The following STK10 variants were observed in gnomAD, a reference collection of about 807,000 sequenced individuals.
STK10 encodes the protein serine/threonine kinase 10.
STK10 carries 78 observed loss-of-function variants against 113.8 expected under a neutral mutation model. The ratio of observed to expected loss-of-function variants is 0.69; its 90% confidence interval spans 0.57 to 0.83. STK10 has a LOEUF of 0.83. Among genes scored for constraint, STK10 ranks in the 40% least tolerant of loss-of-function variants. The pLI, the probability that STK10 is intolerant of heterozygous loss-of-function variation, is 0.00. For synonymous variants in STK10, 465 were observed against 494.7 expected, an observed-to-expected ratio of 0.94 and a Z score of 0.80; for missense variants, 1,109 against 1,280.1, an observed-to-expected ratio of 0.87 and a Z score of 2.04.
At chr5:172,106,419 G>GAAAAAAAA (rs1769110876) in intron 6 of STK10, among the ~76,000 whole-genome samples, 1 of 102,106 alleles carries the variant, frequency 9.8e-6, no homozygotes, top group Non-Finnish European at 1.9e-5. Flanking sequence ...AAAAAAAAAA[G>GAAAAAAAA]GAACACAAAG....
chr5:172,175,656 G>C (rs1241801691), intron 1 of STK10, among the ~76,000 whole-genome samples: 1 of 152,132 alleles, frequency 6.6e-6, no homozygotes, highest in Non-Finnish European at 1.5e-5. Context: ...AGGCACGCTT[G>C]CAAAGAAGGG....
intron 1 of STK10, among the ~76,000 whole-genome samples, chr5:172,167,286 G>A (rs917069128): frequency 8.6e-5 from 13 of 151,936 alleles, no homozygotes; most frequent in African/African-American, 3.1e-4. Context: ...TTAACTTAAT[G>A]GGATATTAAG....
chr5:172,082,855 T>C lies in STK10; in HGVS notation c.1809+106A>G. 4.0e-6 allele frequency: 6 copies of C among 1,511,544 alleles called. No individual in the cohort carries two copies. The highest frequency in any genetic ancestry group is 5.3e-6 in the Non-Finnish European group (6 of 1,125,830). The allele number at this position is 1,511,544 out of a possible 1,614,324, so 93.6% of individuals were successfully genotyped here. On this transcript the variant is annotated intron_variant, in intron 11 of 18. Transcript: ENST00000176763. The surrounding 1 kb of genome is among the most constrained non-coding windows in gnomAD (Gnocchi z 4.3). ...GAAGCCCCCAGGAATTGGGCAATTG[T>C]TGTGAATTACTCTCCACTACCCAAT...
At chr5:172,153,678 A>G (rs1363270030) in intron 2 of STK10, among the ~76,000 whole-genome samples, 3 of 152,364 alleles carry the variant, frequency 2.0e-5, no homozygotes, top group African/African-American at 7.2e-5. Context: ...ATCCACATGG[A>G]AAAGTGGGCT....
Position 172,047,734 on chromosome 5 carries a change from C to T in STK10, c.2767-2712G>A, listed in dbSNP as rs938054284. ...GAACAAACCTCAGGACTTCAGGACC[C>T]GTGGGCATGAGATTAAGAGTAACTT... On this transcript the variant is annotated intron_variant, in intron 18 of 18. Coordinates refer to ENST00000176763, the MANE Select transcript of STK10 (RefSeq NM_005990.4). Among the ~76,000 whole-genome samples, 8 of 152,004 alleles carry T rather than the reference C, an allele frequency of 5.3e-5. No individual in the cohort carries two copies. The South Asian group carries it at 1.2e-3, about 24-fold the overall frequency.
chr5:172,052,016 ACTCTCT>A (rs1431132657), intron 18 of STK10, among the ~76,000 whole-genome samples: 5 of 151,884 alleles, frequency 3.3e-5, no homozygotes, highest in South Asian at 4.2e-4. Flanking sequence ...GACCCCTGTG[ACTCTCT>A]CTCATATAAC....
At chr5:172,051,016 G>A (rs1309453272) in intron 18 of STK10, among the ~76,000 whole-genome samples, 2 of 151,936 alleles carry the variant, frequency 1.3e-5, no homozygotes, top group African/African-American at 4.8e-5. Flanking sequence ...GGAAGGTTGA[G>A]GCAGGAGAAT....
intron 2 of STK10, 104 bp from the exon 3 acceptor site, chr5:172,127,525 G>T: frequency 8.3e-7 from 1 of 1,207,152 alleles, no homozygotes; most frequent in Admixed American, 2.1e-5. Flanking sequence ...CCCAATGCCT[G>T]GGTGCCCCTG....
chr5:172,120,213 G>A lies in STK10; in HGVS notation c.371-2583C>T, dbSNP rs186514852. On this transcript the variant is annotated intron_variant, in intron 3 of 18. Coordinates refer to ENST00000176763, the MANE Select transcript of STK10 (RefSeq NM_005990.4). The surrounding 1 kb of genome is among the most constrained non-coding windows in gnomAD (Gnocchi z 4.0). ...CCCAGGCTGTCGGCTTCTAAGCCTG[G>A]TCACCAAAGGGCACTGCTCCGAGTC... Among the ~76,000 whole-genome samples, 3 of 152,266 alleles carry A rather than the reference G, an allele frequency of 2.0e-5. No homozygotes were observed. Among genetic ancestry groups the A allele is most frequent in the African/African-American group, 7.2e-5 (3 of 41,556 alleles).
rs1269842548 is a variant in STK10 at position 172,060,822 on chromosome 5, AG to A, written c.2212+316del. On this transcript the variant is annotated intron_variant, in intron 14 of 18. Coordinates refer to ENST00000176763, the MANE Select transcript of STK10 (RefSeq NM_005990.4). ...AAAATGGACTGGCACATGGCCTGGCAGAGTGGTTGCTCAGTCCACGCCAAGC... is the reference window on the plus strand; with the variant it reads ...AAAATGGACTGGCACATGGCCTGGCAAGTGGTTGCTCAGTCCACGCCAAGC... 3.9e-5 allele frequency among the ~76,000 whole-genome samples: 6 copies of A among 152,358 alleles called. No individual in the cohort carries two copies. In the East Asian group the frequency reaches 1.2e-3, roughly 29 times the overall value.
chr5:172,188,052 C>T lies in STK10; in HGVS notation c.-10G>A, dbSNP rs200188738. On this transcript the variant is annotated 5_prime_UTR_variant, in exon 1 of 19. Transcript: ENST00000176763. The surrounding 1 kb of genome is among the most constrained non-coding windows in gnomAD (Gnocchi z 5.6). The stretch of plus-strand genomic sequence containing the variant: ...AATTGGCAAAAGCCATGGCCGGGGG[C>T]GCGGTGGCGCCGGCTCGGGCTCGGG... 1.2e-5 allele frequency: 19 copies of T among 1,609,950 alleles called. No homozygotes were observed. The East Asian group carries it at 4.0e-4, about 34-fold the overall frequency.
intron 1 of STK10, among the ~76,000 whole-genome samples, chr5:172,180,474 A>G (rs1770831257): frequency 6.6e-6 from 1 of 150,644 alleles, no homozygotes; most frequent in East Asian, 2.0e-4. Flanking sequence ...CAAAAAAGAA[A>G]GTCTAGCCTA....
At chr5:172,153,973 C>T (rs1309193841) in intron 2 of STK10, among the ~76,000 whole-genome samples, 1 of 152,238 alleles carries the variant, frequency 6.6e-6, no homozygotes, top group Non-Finnish European at 1.5e-5. Flanking sequence ...CTGGCCTAGT[C>T]TATTCTTACC....
chr5:172,106,413 A>AAAAAAAAAAAAAAAAAAAAAAAAAAAAAC lies in STK10; in HGVS notation c.788+206_788+207insGTTTTTTTTTTTTTTTTTTTTTTTTTTTT, dbSNP rs1769109435. Among the ~76,000 whole-genome samples the AAAAAAAAAAAAAAAAAAAAAAAAAAAAAC allele has an allele frequency of 2.8e-5, 4 of 145,078 alleles. 1 individual carries two copies. The highest frequency in any genetic ancestry group is 1.4e-4 in the Admixed American group (2 of 14,442). ...TGAGACCCTATCTCAAAAAAAAAAA[A>AAAAAAAAAAAAAAAAAAAAAAAAAAAAAC]AAAAAGGAACACAAAGGGAAAAAGA... On this transcript the variant is annotated intron_variant, in intron 6 of 18. Transcript: ENST00000176763.
At position 172,187,078 on chromosome 5, in the gene STK10, T is replaced by G. The variant is rs1770965220; in HGVS notation, c.156+809A>C. ...AGTCAAGCTGTAGGTGTTGGCTCCC[T>G]AAAACAACTCACCACCTCAGAATTA... On this transcript the variant is annotated intron_variant, in intron 1 of 18. Coordinates refer to ENST00000176763, the MANE Select transcript of STK10 (RefSeq NM_005990.4). The surrounding 1 kb of genome is among the most constrained non-coding windows in gnomAD (Gnocchi z 4.6). Among the ~76,000 whole-genome samples the G allele has an allele frequency of 1.3e-5, 2 of 152,098 alleles. No individual in the cohort carries two copies. The highest frequency in any genetic ancestry group is 2.9e-5 in the Non-Finnish European group (2 of 68,004).
At chr5:172,069,335 G>A (rs182537642) in intron 12 of STK10, among the ~76,000 whole-genome samples, 54 of 152,260 alleles carry the variant, frequency 3.5e-4, no homozygotes, top group African/African-American at 1.2e-3. Context: ...TAAATTGAAA[G>A]GATGGGAAAA....
chr5:172,097,575 C>T (rs1411094820), intron 7 of STK10, among the ~76,000 whole-genome samples: 1 of 152,198 alleles, frequency 6.6e-6, no homozygotes, highest in Non-Finnish European at 1.5e-5. Flanking sequence ...TACATTGTCG[C>T]CTATTTCAGT....
rs556878423 is a variant in STK10 at position 172,175,006 on chromosome 5, T to C, written c.156+12881A>G. ...TCTGGTATAGCCTGTTTTTTCTTGT[T>C]ATTGTTGTTTTCAGACAACCTGCTT... is the stretch of plus-strand genomic sequence containing the variant. On this transcript the variant is annotated intron_variant, in intron 1 of 18. Transcript: ENST00000176763. Among the ~76,000 whole-genome samples the C allele has an allele frequency of 2.6e-5, 4 of 152,300 alleles. No individual in the cohort carries two copies. In the East Asian group the frequency reaches 7.7e-4, roughly 29 times the overall value.
intron 2 of STK10, among the ~76,000 whole-genome samples, chr5:172,147,560 C>A (rs1770111132): frequency 6.6e-6 from 1 of 152,066 alleles, no homozygotes. Context: ...CCCAGCTAAT[C>A]TTTTTGTATT....
Sources: gnomAD v4.1 joint callset for allele counts (sites outside exome capture counted in the v4.1 genomes callset) on GRCh38, gnomAD v4.1.1 for gene constraint, Gnocchi (gnomAD v3.1) non-coding constraint, MANE v1.5 for transcripts, NCBI Gene and HGNC (gene_info 2026-07-23, HGNC 2026-07-21) for gene names.